The following PTPRM variants were observed in gnomAD, a reference collection of about 807,000 sequenced individuals.
The protein encoded by PTPRM is protein tyrosine phosphatase receptor type M, also known as receptor-type tyrosine-protein phosphatase mu.
Under a neutral mutation model 186.7 loss-of-function variants are expected in PTPRM, and 47 were observed. That is an observed-to-expected ratio of 0.25 (90% CI 0.20 to 0.32). The LOEUF (loss-of-function observed/expected upper bound fraction) is 0.32, where lower values mean the gene tolerates loss of function less well. PTPRM is among the 10% of genes least tolerant of loss of function. The probability of loss-of-function intolerance (pLI) is 1.00; values close to 1 mark genes in which losing one functional copy is unlikely to be tolerated. For synonymous variants in PTPRM, 668 were observed against 674.9 expected (o/e 0.99, Z 0.16); for missense variants, 1,494 against 1,865.0 (o/e 0.80, Z 3.66).
intron 1 of PTPRM, among the ~76,000 whole-genome samples, chr18:7,714,245 A>G (rs2040274890): frequency 1.3e-5 from 2 of 152,226 alleles, no homozygotes; most frequent in East Asian, 3.9e-4. Context: ...ATGGAAACTG[A>G]ACAATCTCCT....
chr18:8,394,490 G>T lies in PTPRM; in HGVS notation c.4223G>T (p.Arg1408Leu). Residue 1408 changes from arginine to leucine, a missense_variant, in exon 32 of 33, where the codon CGC (arginine) becomes CTC (leucine). Physicochemically the swap from Arg to Leu is moderately radical, Grantham distance 102. Around this residue, in one of 3 missense-constraint regions of PTPRM, gnomAD observed 1,107 missense variants for 1,350.2 expected, o/e 0.82. Coordinates refer to ENST00000580170, the MANE Select transcript of PTPRM (RefSeq NM_001105244.2). ...TVVHCLNGGG[R>L]SGTFCAISIV... ...TTTCACGACAGGAACGGGGGAGGCC[G>T]CAGTGGGACGTTCTGCGCCATCAGC... 6.2e-7 allele frequency: 1 copy of T among 1,611,206 alleles called. No individual in the cohort carries two copies.
In PTPRM at chr18:8,376,034, C is replaced by T. The variant is rs1404358945; in HGVS notation, c.3172-12C>T. On this transcript the variant is annotated splice_polypyrimidine_tract_variant and intron_variant, in intron 24 of 32. Transcript: ENST00000580170. Reference sequence around the variant, plus strand: ...TGTTCTCTTCCTTGTTCTGGCTAACCAACTACTGCAGAGAGGTGTGCATGA... The same window carrying T: ...TGTTCTCTTCCTTGTTCTGGCTAACTAACTACTGCAGAGAGGTGTGCATGA... The T allele has an allele frequency of 6.3e-7, 1 of 1,598,306 alleles. No individual in the cohort carries two copies. Among genetic ancestry groups the T allele is most frequent in the East Asian group, 2.3e-5 (1 of 44,410 alleles).
intron 1 of PTPRM, among the ~76,000 whole-genome samples, chr18:7,711,414 C>A (rs1160195146): frequency 1.3e-5 from 2 of 152,212 alleles, no homozygotes; most frequent in East Asian, 1.9e-4. Context: ...GCCATTTGGG[C>A]AGACACCGAG....
intron 9 of PTPRM, among the ~76,000 whole-genome samples, chr18:8,077,035 C>G (rs905787455): frequency 1.3e-5 from 2 of 152,102 alleles, no homozygotes; most frequent in African/African-American, 4.8e-5. Context: ...CCAAAACATC[C>G]TTTCGACTTC....
At chr18:7,823,598 TAAAGCAGGC>T (rs2045324795) in intron 2 of PTPRM, among the ~76,000 whole-genome samples, 1 of 152,128 alleles carries the variant, frequency 6.6e-6, no homozygotes, top group African/African-American at 2.4e-5. Flanking sequence ...GCTGCTTGAA[TAAAGCAGGC>T]AAAAGAAGTT....
intron 7 of PTPRM, among the ~76,000 whole-genome samples, chr18:8,036,333 G>A (rs912383561): frequency 6.6e-6 from 1 of 152,248 alleles, no homozygotes; most frequent in African/African-American, 2.4e-5. Context: ...AGAAGGCAAA[G>A]TAACCTTTTA....
intron 1 of PTPRM, among the ~76,000 whole-genome samples, chr18:7,685,238 G>T (rs2039574134): frequency 6.6e-6 from 1 of 152,134 alleles, no homozygotes. Flanking sequence ...AACCCTGCTG[G>T]AACAAGCCCA....
intron 20 of PTPRM, among the ~76,000 whole-genome samples, chr18:8,297,139 C>T (rs1330404663): frequency 6.6e-6 from 1 of 152,214 alleles, no homozygotes; most frequent in East Asian, 1.9e-4. Context: ...ATCCCCCACA[C>T]TAAACTGCTC....
At chr18:7,923,437 T>C (rs755759125) in intron 4 of PTPRM, among the ~76,000 whole-genome samples, 66 of 152,264 alleles carry the variant, frequency 4.3e-4, no homozygotes, top group Non-Finnish European at 7.9e-4. Context: ...CCTGAGATAT[T>C]ATTGGAAGGA....
At chr18:8,083,776 T>C (rs1213645806) in intron 9 of PTPRM, among the ~76,000 whole-genome samples, 1 of 152,096 alleles carries the variant, frequency 6.6e-6, no homozygotes, top group Non-Finnish European at 1.5e-5. Flanking sequence ...GAGCTAACTG[T>C]CTCATGTTCC....
At chr18:8,346,036 A>G (rs191556627) in intron 23 of PTPRM, among the ~76,000 whole-genome samples, 1 of 152,340 alleles carries the variant, frequency 6.6e-6, no homozygotes, top group African/African-American at 2.4e-5. Context: ...GCAATATTTT[A>G]TATACTAAAA....
At position 7,797,087 on chromosome 18, in the gene PTPRM, A is replaced by G. The variant is rs142813446; in HGVS notation, c.196+22816A>G. ...TCCACTCATGTACCTGTCCTTTTTCACCCTGAGCACTGGTTTCTAGGTTCT... is the reference window on the plus strand; with the variant it reads ...TCCACTCATGTACCTGTCCTTTTTCGCCCTGAGCACTGGTTTCTAGGTTCT... On this transcript the variant is annotated intron_variant, in intron 2 of 32. Coordinates refer to ENST00000580170, the MANE Select transcript of PTPRM (RefSeq NM_001105244.2). Among the ~76,000 whole-genome samples the G allele has an allele frequency of 2.9e-3, 439 of 152,080 alleles. 2 individuals carry two copies. The highest frequency in any genetic ancestry group is 4.4e-3 in the Non-Finnish European group (297 of 67,990).
At chr18:7,618,219 G>C (rs930391044) in intron 1 of PTPRM, among the ~76,000 whole-genome samples, 2 of 152,138 alleles carry the variant, frequency 1.3e-5, no homozygotes, top group African/African-American at 2.4e-5. Context: ...TCAATAGACC[G>C]TTGAATGAAA....
At chr18:7,803,109 A>G (rs1468122222) in intron 2 of PTPRM, among the ~76,000 whole-genome samples, 2 of 152,190 alleles carry the variant, frequency 1.3e-5, no homozygotes, top group African/African-American at 4.8e-5. Context: ...AATGTTCTAG[A>G]TAAATATATT....
intron 7 of PTPRM, among the ~76,000 whole-genome samples, chr18:7,999,223 TA>T (rs1004178291): frequency 6.6e-6 from 1 of 152,012 alleles, no homozygotes; most frequent in African/African-American, 2.4e-5. Flanking sequence ...TGGGATGTGT[TA>T]GGAAACCAAG....
intron 19 of PTPRM, among the ~76,000 whole-genome samples, chr18:8,272,332 A>G (rs541163513): frequency 1.3e-5 from 2 of 151,268 alleles, no homozygotes; most frequent in Non-Finnish European, 2.9e-5. Context: ...ATTTCCTTCT[A>G]CTTTCTTTGA....
intron 7 of PTPRM, among the ~76,000 whole-genome samples, chr18:8,057,425 C>CTTTTTTTTTTTTTTTTTTTTTTTGTTTTT (rs763829289): frequency 8.8e-5 from 9 of 102,518 alleles, no homozygotes; most frequent in African/African-American, 2.6e-4. Context: ...TGTGATACTT[C>CTTTTTTTTTTTTTTTTTTTTTTTGTTTTT]TTTTTTTTTT....
intron 7 of PTPRM, among the ~76,000 whole-genome samples, chr18:8,059,123 A>G (rs2088269981): frequency 6.6e-6 from 1 of 151,194 alleles, no homozygotes; most frequent in Admixed American, 6.6e-5. Flanking sequence ...ATCCTCTTTT[A>G]TTTCCTTGAG....
chr18:8,316,395 G>A (rs1034338027), intron 21 of PTPRM, among the ~76,000 whole-genome samples: 1 of 152,192 alleles, frequency 6.6e-6, no homozygotes, highest in African/African-American at 2.4e-5. Context: ...GCTTTAACCG[G>A]TGAGTAAGTG....
Sources: allele counts gnomAD v4.1 joint callset (sites outside exome capture counted in the v4.1 genomes callset), GRCh38; gene constraint gnomAD v4.1.1; regional missense constraint gnomAD v4.1.1; transcripts MANE v1.5; gene names NCBI Gene and HGNC (gene_info 2026-07-23, HGNC 2026-07-21).